The following CNTNAP2 variants were observed in gnomAD, a reference collection of about 807,000 sequenced individuals.
CNTNAP2 encodes contactin associated protein 2.
CNTNAP2 carries 98 observed loss-of-function variants against 155.2 expected under a neutral mutation model. That is an observed-to-expected ratio of 0.63 (90% confidence interval 0.54 to 0.75). CNTNAP2 has a LOEUF of 0.75. Ranked by LOEUF, CNTNAP2 falls within the 30% of genes least tolerant of loss-of-function variation. The pLI is 0.00. For synonymous variants in CNTNAP2, 651 were observed against 631.2 expected (o/e 1.03, Z -0.47); for missense variants, 1,727 against 1,688.1 (o/e 1.02, Z -0.40).
intron 8 of CNTNAP2, among the ~76,000 whole-genome samples, chr7:147,228,458 C>T (rs901319833): frequency 6.6e-6 from 1 of 152,210 alleles, no homozygotes; most frequent in African/African-American, 2.4e-5. Context: ...AAGGATCCAG[C>T]TTTAGGAGCA....
At chr7:148,228,938 T>A (rs1398813494) in intron 19 of CNTNAP2, among the ~76,000 whole-genome samples, 3 of 152,186 alleles carry the variant, frequency 2.0e-5, no homozygotes, top group African/African-American at 7.2e-5. Flanking sequence ...CACTCTGCAT[T>A]TATTTTTTTA....
chr7:147,082,088 G>C (rs1217774584), intron 4 of CNTNAP2: 1 of 152,124 alleles, frequency 6.6e-6, no homozygotes, highest in African/African-American at 2.4e-5. Context: ...TTCATTGAGT[G>C]CTAGGAAAAA....
At chr7:146,920,320 A>G (rs984077221) in intron 3 of CNTNAP2, among the ~76,000 whole-genome samples, 2 of 152,098 alleles carry the variant, frequency 1.3e-5, no homozygotes, top group Non-Finnish European at 2.9e-5. Flanking sequence ...AGGTTGAGGC[A>G]GGAGAATCAC....
chr7:146,378,259 A>T (rs1417437781), intron 1 of CNTNAP2, among the ~76,000 whole-genome samples: 2 of 152,212 alleles, frequency 1.3e-5, no homozygotes, highest in East Asian at 3.9e-4. Flanking sequence ...ATTACAAATG[A>T]TATTTGAGTT....
chr7:146,367,086 C>A (rs573886726), intron 1 of CNTNAP2, among the ~76,000 whole-genome samples: 1 of 152,248 alleles, frequency 6.6e-6, no homozygotes, highest in Admixed American at 6.5e-5. Flanking sequence ...ACAACATTCT[C>A]ATCTCTGCCA....
intron 22 of CNTNAP2, among the ~76,000 whole-genome samples, chr7:148,405,950 C>T (rs977979518): frequency 2.0e-5 from 3 of 151,922 alleles, no homozygotes; most frequent in African/African-American, 7.3e-5. Flanking sequence ...TAAAGAAGGT[C>T]GGCCGGGCGC....
At chr7:146,722,266 A>C (rs1451695504) in intron 1 of CNTNAP2, among the ~76,000 whole-genome samples, 3 of 152,058 alleles carry the variant, frequency 2.0e-5, no homozygotes, top group Non-Finnish European at 2.9e-5. Context: ...GCTGAAAAGA[A>C]TGGTACCTGA....
chr7:146,469,200 G>T (rs1796758360), intron 1 of CNTNAP2, among the ~76,000 whole-genome samples: 1 of 152,100 alleles, frequency 6.6e-6, no homozygotes, highest in Non-Finnish European at 1.5e-5. Context: ...TTCCCTGAGA[G>T]TCTGGCTGAG....
intron 8 of CNTNAP2, among the ~76,000 whole-genome samples, chr7:147,168,725 A>G (rs1045940357): frequency 1.3e-5 from 2 of 152,156 alleles, no homozygotes; most frequent in Non-Finnish European, 2.9e-5. Flanking sequence ...TTTTAGAAGT[A>G]TCTTTTCCCT....
chr7:147,154,621 T>C (rs150614896), intron 8 of CNTNAP2, among the ~76,000 whole-genome samples: 252 of 152,280 alleles, frequency 1.7e-3, no homozygotes, highest in African/African-American at 5.7e-3. Flanking sequence ...AGGAAAGGCA[T>C]GGCAGCTGTC....
chr7:147,965,255 A>T (rs1801187718), intron 14 of CNTNAP2, among the ~76,000 whole-genome samples: 1 of 152,178 alleles, frequency 6.6e-6, no homozygotes, highest in South Asian at 2.1e-4. Flanking sequence ...ATGACTTTTT[A>T]CTGCCAACCT....
In CNTNAP2 at chr7:148,298,188, C is replaced by G. The variant is rs150879098; in HGVS notation, c.3475+31062C>G. Reference sequence around the variant, plus strand: ...AATTGTGATCTAACTCCAAGTCCAACCTGCCTATTTTAGAAGGGTAGTTGG... The same window carrying G: ...AATTGTGATCTAACTCCAAGTCCAAGCTGCCTATTTTAGAAGGGTAGTTGG... On this transcript the variant is annotated intron_variant, in intron 21 of 23. Coordinates refer to ENST00000361727, the MANE Select transcript of CNTNAP2 (RefSeq NM_014141.6). 2.6e-5 allele frequency among the ~76,000 whole-genome samples: 4 copies of G among 152,248 alleles called. No individual in the cohort carries two copies. In the East Asian group the frequency reaches 7.7e-4, roughly 29 times the overall value.
At chr7:148,414,978 G>T in intron 23 of CNTNAP2, 1 of 277,544 alleles carries the variant, frequency 3.6e-6, no homozygotes, top group Non-Finnish European at 7.0e-6. Flanking sequence ...TAGCTCTCTC[G>T]CGCGCCCACT....
chr7:146,739,942 T>G lies in CNTNAP2; in HGVS notation c.98-34329T>G, dbSNP rs185993948. Among the ~76,000 whole-genome samples the G allele has an allele frequency of 4.6e-3, 699 of 152,220 alleles. 4 individuals are homozygous for G. Among genetic ancestry groups the G allele is most frequent in the Non-Finnish European group, 7.2e-3 (489 of 67,976 alleles). ...TTTTGACTTGGAGTCCATTTAATCT[T>G]ATATAAATATAGCTACTTCTATTCT... On this transcript the variant is annotated intron_variant, in intron 1 of 23. Coordinates refer to ENST00000361727, the MANE Select transcript of CNTNAP2 (RefSeq NM_014141.6).
chr7:148,088,362 A>C (rs1315416772), intron 15 of CNTNAP2, among the ~76,000 whole-genome samples: 1 of 152,050 alleles, frequency 6.6e-6, no homozygotes, highest in Non-Finnish European at 1.5e-5. Context: ...AAAAACAGAA[A>C]AGATCAACAA....
At chr7:146,329,730 C>T (rs541080542) in intron 1 of CNTNAP2, among the ~76,000 whole-genome samples, 17 of 152,186 alleles carry the variant, frequency 1.1e-4, no homozygotes, top group East Asian at 3.9e-4. Context: ...TTTAACACAT[C>T]GGTATTACTG....
At chr7:147,922,662 A>G (rs1248457870) in intron 14 of CNTNAP2, among the ~76,000 whole-genome samples, 3 of 152,230 alleles carry the variant, frequency 2.0e-5, no homozygotes, top group African/African-American at 7.2e-5. Flanking sequence ...TCTAAAGACC[A>G]CTCAAACTAC....
intron 1 of CNTNAP2, among the ~76,000 whole-genome samples, chr7:146,231,042 A>ATAAATAAATAAATAAATAAATAAATAAGT (rs76111973): frequency 2.0e-5 from 3 of 150,400 alleles, no homozygotes; most frequent in African/African-American, 7.3e-5. Context: ...AAATAAATAA[A>ATAAATAAATAAATAAATAAATAAATAAGT]AAGTTAATAT....
chr7:146,822,894 T>C (rs1803318117), intron 2 of CNTNAP2, among the ~76,000 whole-genome samples: 1 of 148,010 alleles, frequency 6.8e-6, no homozygotes. Context: ...CATATTTACA[T>C]GGAAATATAC....
Sources: allele counts gnomAD v4.1 joint callset (sites outside exome capture counted in the v4.1 genomes callset), GRCh38; gene constraint gnomAD v4.1.1; transcripts MANE v1.5; gene names NCBI Gene and HGNC (gene_info 2026-07-23, HGNC 2026-07-21).